TCAIM: variants seen among roughly 807,000 people sequenced by gnomAD.
The protein encoded by TCAIM is T-cell activation inhibitor, mitochondrial.
Under a neutral mutation model 58.6 loss-of-function variants are expected in TCAIM, and 36 were observed. The ratio of observed to expected loss-of-function variants is 0.61; its 90% CI spans 0.47 to 0.81. TCAIM has a LOEUF of 0.81. TCAIM is among the 30% of genes least tolerant of loss of function. The pLI, the probability that TCAIM is intolerant of heterozygous loss-of-function variation, is 0.00. For missense variants in TCAIM, 466 were observed against 579.6 expected (o/e 0.80, Z 2.01); for synonymous variants, 172 against 193.6 (o/e 0.89, Z 0.93).
At chr3:44,352,134 G>T (rs1160588386) in intron 1 of TCAIM, among the ~76,000 whole-genome samples, 2 of 150,458 alleles carry the variant, frequency 1.3e-5, no homozygotes, top group African/African-American at 4.9e-5. Flanking sequence ...TACTTAAAAT[G>T]TGACAGAATA....
intron 4 of TCAIM, among the ~76,000 whole-genome samples, chr3:44,365,754 C>T (rs115989647): frequency 1.3e-4 from 20 of 152,186 alleles, no homozygotes; most frequent in South Asian, 2.1e-4. Flanking sequence ...GCCCTAGCCC[C>T]GCGTGCTTAT....
chr3:44,341,923 C>T (rs763470916), intron 1 of TCAIM, among the ~76,000 whole-genome samples: 1 of 152,132 alleles, frequency 6.6e-6, no homozygotes, highest in Non-Finnish European at 1.5e-5. Context: ...AATTAGATTT[C>T]ACCTTTTAGA....
At chr3:44,370,401 AG>A (rs1399400024) in intron 5 of TCAIM, among the ~76,000 whole-genome samples, 2 of 150,038 alleles carry the variant, frequency 1.3e-5, no homozygotes, top group African/African-American at 4.9e-5. Context: ...GGTTGCAGTG[AG>A]CCAACATCAC....
chr3:44,372,975 A>G (rs1446961057), intron 5 of TCAIM, among the ~76,000 whole-genome samples: 3 of 152,238 alleles, frequency 2.0e-5, no homozygotes, highest in African/African-American at 7.2e-5. Context: ...ACGAGAAAAT[A>G]TAATTACAGT....
rs557240639 is a variant in TCAIM at position 44,401,226 on chromosome 3, A to G, written c.1142A>G (p.His381Arg). Residue 381 changes from histidine (H) to arginine (R), a missense_variant, in exon 10 of 11, where the codon CAT (histidine) becomes CGT (arginine). Transcript: ENST00000342649. ...AGTGACAGATATGCTCCAAGCTTGC[A>G]TGAACTCGGGCATTTTAATATTCCA... is the stretch of plus-strand genomic sequence containing the variant. Reference protein sequence around the residue: ...LNSDRYAPSLHELGHFNIPTL... With the variant: ...LNSDRYAPSLRELGHFNIPTL... The G allele has an allele frequency of 1.5e-5, 25 of 1,613,934 alleles. No homozygotes were observed. The highest frequency in any genetic ancestry group is 2.0e-5 in the Non-Finnish European group (24 of 1,179,996).
chr3:44,366,403 T>A (rs995335097), intron 4 of TCAIM, among the ~76,000 whole-genome samples: 17 of 150,622 alleles, frequency 1.1e-4, no homozygotes, highest in Admixed American at 4.6e-4. Context: ...TTCTCCTGCC[T>A]CAGCCTCCCG....
chr3:44,362,579 TC>T (rs1701310046), intron 4 of TCAIM: 1 of 395,628 alleles, frequency 2.5e-6, no homozygotes, highest in South Asian at 1.4e-4. Context: ...AGTCACAAAT[TC>T]CTTTTCTTGG....
At chr3:44,390,043 C>G (rs1465941514) in intron 5 of TCAIM, among the ~76,000 whole-genome samples, 1 of 152,176 alleles carries the variant, frequency 6.6e-6, no homozygotes, top group East Asian at 1.9e-4. Flanking sequence ...GGAAGAATTA[C>G]TTCTTCTTTT....
Position 44,400,437 on chromosome 3 carries a change from G to A in TCAIM, c.968G>A (p.Gly323Asp), listed in dbSNP as rs779097157. ...LEDQISYLLG[G>D]IQVVYIEELQ... is the part of the protein sequence containing the mutation. ...GACCAAATAAGCTATCTTTTAGGTG[G>A]CATACAAGTTGTTTATATTGAAGAA... Residue 323 changes from glycine (G) to aspartate (D), a missense_variant, in exon 9 of 11, where the codon GGC (glycine) becomes GAC (aspartate). Coordinates refer to ENST00000342649, the MANE Select transcript of TCAIM (RefSeq NM_173826.4). The A allele has an allele frequency of 1.7e-5, 27 of 1,613,652 alleles. No homozygotes were observed. Among genetic ancestry groups the A allele is most frequent in the Non-Finnish European group, 2.3e-5 (27 of 1,179,884 alleles).
At chr3:44,355,920 A>G (rs1006025652) in intron 2 of TCAIM, among the ~76,000 whole-genome samples, 1 of 152,198 alleles carries the variant, frequency 6.6e-6, no homozygotes, top group Non-Finnish European at 1.5e-5. Flanking sequence ...GCTCAGAGGG[A>G]TAAGTGGAGT....
chr3:44,364,478 G>A (rs1484768525), intron 4 of TCAIM, among the ~76,000 whole-genome samples: 5 of 152,098 alleles, frequency 3.3e-5, no homozygotes, highest in Non-Finnish European at 4.4e-5. Context: ...GGTGGCTCAC[G>A]CCTGTAATCC....
intron 5 of TCAIM, among the ~76,000 whole-genome samples, chr3:44,368,590 A>G (rs1244680489): frequency 1.3e-5 from 2 of 152,242 alleles, no homozygotes; most frequent in African/African-American, 4.8e-5. Flanking sequence ...ATATTTGTCT[A>G]TATGCATAAC....
chr3:44,403,401 T>A (rs1702052434), intron 10 of TCAIM, among the ~76,000 whole-genome samples: 1 of 152,244 alleles, frequency 6.6e-6, no homozygotes, highest in African/African-American at 2.4e-5. Flanking sequence ...CTGTTTTCCT[T>A]ATGGAATTGA....
At chr3:44,385,154 A>G (rs1027921383) in intron 5 of TCAIM, among the ~76,000 whole-genome samples, 1 of 152,246 alleles carries the variant, frequency 6.6e-6, no homozygotes, top group African/African-American at 2.4e-5. Context: ...AGAAAATCAA[A>G]GGGAATTTTA....
chr3:44,392,344 T>A (rs911689646), intron 5 of TCAIM, among the ~76,000 whole-genome samples: 2 of 152,164 alleles, frequency 1.3e-5, no homozygotes, highest in African/African-American at 4.8e-5. Flanking sequence ...TTTTTAACTT[T>A]TAGGTTCGGG....
intron 5 of TCAIM, among the ~76,000 whole-genome samples, chr3:44,373,936 T>A (rs534938590): frequency 6.6e-6 from 1 of 152,320 alleles, no homozygotes; most frequent in South Asian, 2.1e-4. Context: ...AACAAACATG[T>A]CATTGAACTA....
intron 1 of TCAIM, among the ~76,000 whole-genome samples, chr3:44,347,212 C>T (rs577176481): frequency 1.3e-5 from 2 of 152,076 alleles, no homozygotes; most frequent in African/African-American, 2.4e-5. Context: ...GAGGACGACA[C>T]GAGATATCCT....
At chr3:44,393,355 G>A (rs1701870487) in intron 6 of TCAIM, among the ~76,000 whole-genome samples, 1 of 152,082 alleles carries the variant, frequency 6.6e-6, no homozygotes, top group Non-Finnish European at 1.5e-5. Context: ...CAGCTACTTG[G>A]AAGGGTGAGG....
chr3:44,402,478 G>A (rs1162963245), intron 10 of TCAIM, among the ~76,000 whole-genome samples: 1 of 152,146 alleles, frequency 6.6e-6, no homozygotes, highest in Admixed American at 6.5e-5. Flanking sequence ...CTTTGAAGGA[G>A]TCCTATTATA....
Sources: gnomAD v4.1 joint callset for allele counts (sites outside exome capture counted in the v4.1 genomes callset) on GRCh38, gnomAD v4.1.1 for gene constraint, MANE v1.5 for transcripts, NCBI Gene and HGNC (gene_info 2026-07-23, HGNC 2026-07-21) for gene names.